Variants in MS4A6E observed in about 807,000 individuals in gnomAD.
MS4A6E encodes the protein membrane spanning 4-domains A6E.
MS4A6E carries 8 observed loss-of-function variants against 13.2 expected under a neutral mutation model. The ratio of observed to expected loss-of-function variants is 0.60; its 90% CI spans 0.35 to 1.09. The LOEUF is 1.09. MS4A6E is among the 50% of genes least tolerant of loss of function. MS4A6E has a pLI of 0.02. For missense variants in MS4A6E, 177 were observed against 171.1 expected (o/e 1.03, Z -0.19); for synonymous variants, 72 against 67.6 (o/e 1.06, Z -0.32).
intron 1 of MS4A6E, among the ~76,000 whole-genome samples, chr11:60,331,647 A>G (rs2135055507): frequency 6.6e-6 from 1 of 152,354 alleles, no homozygotes; most frequent in Middle Eastern, 3.4e-3. Flanking sequence ...GATGAACATA[A>G]TAACAGTTTA....
chr11:60,334,168 A>G (rs555837863), intron 1 of MS4A6E, among the ~76,000 whole-genome samples: 258 of 152,302 alleles, frequency 1.7e-3, no homozygotes, highest in Middle Eastern at 3.4e-3. Flanking sequence ...GCCTCTGAGA[A>G]CAAAGGCAAG....
chr11:60,332,746 T>G (rs1478955504), intron 1 of MS4A6E, among the ~76,000 whole-genome samples: 1 of 152,228 alleles, frequency 6.6e-6, no homozygotes, highest in Non-Finnish European at 1.5e-5. Flanking sequence ...TGGACAGAGA[T>G]ATTTCAAGAC....
chr11:60,337,893 T>C lies in MS4A6E; in HGVS notation c.300T>C (p.Tyr100=), dbSNP rs2289613. The change falls in exon 3 of 5, where the codon TAT becomes TAC. Residue 100 remains tyrosine (Y), a synonymous_variant. Coordinates refer to ENST00000684409, the MANE Select transcript of MS4A6E (RefSeq NM_139249.4). ...KDIPTRLLLS[Y]DYHSPYTMDC... ...TACCAACCAGACTTCTTCTTTCTTA[T>C]GATTATCATTCACCTTACACCATGG... 0.029 allele frequency: 47,318 copies of C among 1,614,202 alleles called. 1,137 individuals carry two copies. Among genetic ancestry groups the C allele is most frequent in the East Asian group, 0.13 (5,782 of 44,888 alleles).
At chr11:60,347,379 T>A (rs982138071) in intron 4 of MS4A6E, among the ~76,000 whole-genome samples, 17 of 152,068 alleles carry the variant, frequency 1.1e-4, no homozygotes, top group Admixed American at 3.9e-4. Context: ...AAAGATCTAA[T>A]TGTTGGATAA....
chr11:60,330,009 T>C (rs891652605), intron 1 of MS4A6E, among the ~76,000 whole-genome samples: 1 of 147,642 alleles, frequency 6.8e-6, no homozygotes, highest in Non-Finnish European at 1.5e-5. Flanking sequence ...GTATTTTTAG[T>C]AGAGATGGGG....
chr11:60,339,752 T>G, intron 3 of MS4A6E, 114 bp from the exon 4 acceptor site: 1 of 876,488 alleles, frequency 1.1e-6, no homozygotes, highest in Non-Finnish European at 1.9e-6. Flanking sequence ...GATTGTTTCC[T>G]TACTTCATTC....
At chr11:60,338,949 A>G (rs1590776153) in intron 3 of MS4A6E, among the ~76,000 whole-genome samples, 1 of 152,232 alleles carries the variant, frequency 6.6e-6, no homozygotes, top group Non-Finnish European at 1.5e-5. Context: ...CTGGAGAGAA[A>G]TTTGGGAGAA....
intron 1 of MS4A6E, among the ~76,000 whole-genome samples, chr11:60,328,857 A>C (rs1469488384): frequency 6.6e-6 from 1 of 152,192 alleles, no homozygotes; most frequent in Non-Finnish European, 1.5e-5. Context: ...CTAGAGTTCT[A>C]ATGTACAGTA....
chr11:60,332,526 C>T (rs1006666185), intron 1 of MS4A6E, among the ~76,000 whole-genome samples: 4 of 152,192 alleles, frequency 2.6e-5, no homozygotes, highest in African/African-American at 9.6e-5. Context: ...CTCTCCAACT[C>T]TCTCCTTCAC....
At position 60,337,889 on chromosome 11, in the gene MS4A6E, CT is replaced by C. The variant is rs748300639; in HGVS notation, c.298del (p.Tyr100MetfsTer24). 1.4e-4 allele frequency: 223 copies of C among 1,614,092 alleles called. 1 individual carries two copies. Among genetic ancestry groups the C allele is most frequent in the Non-Finnish European group, 1.8e-4 (210 of 1,180,036 alleles). On this transcript the variant is annotated frameshift_variant, in exon 3 of 5. Transcript: ENST00000684409. LOFTEE classifies it high-confidence loss of function. ...EKDIPTRLLL[S>X]YDYHSPYTMD... is the part of the protein sequence containing the mutation. The stretch of plus-strand genomic sequence containing the variant: ...GATATACCAACCAGACTTCTTCTTT[CT>C]TATGATTATCATTCACCTTACACCA...
chr11:60,339,962 T>C lies in MS4A6E; in HGVS notation c.*7T>C, dbSNP rs751483404. 1.9e-6 allele frequency: 3 copies of C among 1,613,182 alleles called. No homozygotes were observed. The highest frequency in any genetic ancestry group is 1.6e-4 in the Middle Eastern group (1 of 6,080). On this transcript the variant is annotated splice_region_variant and 3_prime_UTR_variant, in exon 4 of 5. Transcript: ENST00000684409. Reference sequence around the variant, plus strand: ...GTGGAAACAGACTGTCTGACTTCCCTGGGTGAGTGTGCTGGCCAGCCTCGC... The same window carrying C: ...GTGGAAACAGACTGTCTGACTTCCCCGGGTGAGTGTGCTGGCCAGCCTCGC...
At chr11:60,346,586 T>TC (rs1307293358) in intron 4 of MS4A6E, among the ~76,000 whole-genome samples, 6 of 152,200 alleles carry the variant, frequency 3.9e-5, no homozygotes, top group African/African-American at 1.4e-4. Context: ...TGGCTTTTGG[T>TC]CTATCATGGA....
downstream of MS4A6E, among the ~76,000 whole-genome samples, chr11:60,342,421 G>C (rs567924199): frequency 6.6e-6 from 1 of 152,212 alleles, no homozygotes; most frequent in Admixed American, 6.5e-5. Context: ...ATGGCTAAAA[G>C]AAAGAAGAGT....
rs528160181 is a variant in MS4A6E at position 60,334,729 on chromosome 11, G to T, written c.-14-153G>T. The T allele has an allele frequency of 2.2e-5, 17 of 760,010 alleles. No individual in the cohort carries two copies. The South Asian group carries it at 3.2e-4, about 14-fold the overall frequency. 47.1% of individuals were successfully genotyped at this position (760,010 alleles called of 1,614,324 possible). Reference sequence around the variant, plus strand: ...ATGGAAAAATCCTCATGATACCAAGGTTGTGTGGCTTTCACTGCTCCATAA... The same window carrying T: ...ATGGAAAAATCCTCATGATACCAAGTTTGTGTGGCTTTCACTGCTCCATAA... On this transcript the variant is annotated intron_variant, in intron 1 of 4. Coordinates refer to ENST00000684409, the MANE Select transcript of MS4A6E (RefSeq NM_139249.4).
intron 1 of MS4A6E, among the ~76,000 whole-genome samples, chr11:60,333,895 G>C (rs1466538456): frequency 6.6e-6 from 1 of 152,160 alleles, no homozygotes; most frequent in African/African-American, 2.4e-5. Context: ...GGGAACTTGG[G>C]AGCACTTCAG....
At chr11:60,330,536 G>T (rs1157790985) in intron 1 of MS4A6E, among the ~76,000 whole-genome samples, 1 of 151,650 alleles carries the variant, frequency 6.6e-6, no homozygotes, top group East Asian at 2.0e-4. Context: ...TAGAGACGGG[G>T]TTTCACTGTG....
intron 1 of MS4A6E, among the ~76,000 whole-genome samples, chr11:60,333,711 G>A (rs542396250): frequency 1.3e-5 from 2 of 152,208 alleles, no homozygotes; most frequent in African/African-American, 4.8e-5. Context: ...TCTAAGGAGG[G>A]ATCCCTAGAA....
At chr11:60,345,806 C>G (rs748509866), downstream of MS4A6E, among the ~76,000 whole-genome samples, 19 of 152,300 alleles carry the variant, frequency 1.2e-4, no homozygotes, top group Middle Eastern at 3.4e-3. Context: ...AGTAGGGCCA[C>G]TGTGGCAATG....
At chr11:60,337,566 G>A (rs1169100849) in intron 2 of MS4A6E, among the ~76,000 whole-genome samples, 175 bp from the exon 3 acceptor site, 2 of 152,146 alleles carry the variant, frequency 1.3e-5, no homozygotes, top group South Asian at 4.1e-4. Context: ...CAAGTTTTAC[G>A]TTGCAGATTC....
Sources: allele counts gnomAD v4.1 joint callset (sites outside exome capture counted in the v4.1 genomes callset), GRCh38; gene constraint gnomAD v4.1.1; transcripts MANE v1.5; gene names NCBI Gene and HGNC (gene_info 2026-07-23, HGNC 2026-07-21).